Variants in GHR observed in about 807,000 individuals in gnomAD.
The protein encoded by GHR is growth hormone receptor.
A neutral mutation model predicts 67.1 loss-of-function variants in GHR; 35 were observed. The observed-to-expected ratio is 0.52, with a 90% CI of 0.40 to 0.69. The LOEUF (loss-of-function observed/expected upper bound fraction) is 0.69. Among genes scored for constraint, GHR ranks in the 30% least tolerant of loss-of-function variants. The probability of loss-of-function intolerance (pLI) is 0.00; values close to 1 mark genes in which losing one functional copy is unlikely to be tolerated. For missense variants in GHR, 792 were observed against 764.6 expected (o/e 1.04, Z -0.42); for synonymous variants, 272 against 269.1 (o/e 1.01, Z -0.10).
chr5:42,546,630 A>G (rs1748743475), intron 1 of GHR, among the ~76,000 whole-genome samples: 1 of 152,186 alleles, frequency 6.6e-6, no homozygotes, highest in Non-Finnish European at 1.5e-5. Flanking sequence ...CAAGTCATGG[A>G]TTGTGGTATT....
At chr5:42,710,402 A>C (rs7444761) in intron 6 of GHR, among the ~76,000 whole-genome samples, 114,890 of 151,784 alleles carry the variant, frequency 0.76, 43,861 homozygotes, top group East Asian at 1. Flanking sequence ...ACATTGAATA[A>C]CTGCTTTGAG....
At chr5:42,473,410 T>C (rs541846686) in intron 1 of GHR, among the ~76,000 whole-genome samples, 91 of 152,170 alleles carry the variant, frequency 6.0e-4, no homozygotes, top group African/African-American at 2.1e-3. Context: ...TCTCTATAGA[T>C]AGAAATAATT....
intron 2 of GHR, among the ~76,000 whole-genome samples, chr5:42,604,246 C>G (rs976616637): frequency 6.6e-6 from 1 of 152,122 alleles, no homozygotes; most frequent in Admixed American, 6.5e-5. Context: ...ACTCTTTGGC[C>G]ATTTATGGAG....
intron 8 of GHR, among the ~76,000 whole-genome samples, chr5:42,714,417 A>T (rs1758620615): frequency 6.6e-6 from 1 of 152,214 alleles, no homozygotes; most frequent in African/African-American, 2.4e-5. Flanking sequence ...GCCAAGAGGC[A>T]TCTATAAATC....
chr5:42,553,585 C>T (rs761483856), intron 1 of GHR, among the ~76,000 whole-genome samples: 9 of 152,196 alleles, frequency 5.9e-5, no homozygotes, highest in African/African-American at 1.9e-4. Context: ...GTGATTACAT[C>T]GGTTTGTGCA....
At chr5:42,476,703 G>A (rs962337226) in intron 1 of GHR, among the ~76,000 whole-genome samples, 2 of 152,010 alleles carry the variant, frequency 1.3e-5, no homozygotes, top group Admixed American at 6.6e-5. Flanking sequence ...AGAAATACTG[G>A]CCAACAGAAA....
intron 1 of GHR, among the ~76,000 whole-genome samples, chr5:42,454,856 A>G (rs978237970): frequency 2.0e-5 from 3 of 152,150 alleles, no homozygotes; most frequent in East Asian, 1.9e-4. Flanking sequence ...TCCTGTGCTC[A>G]TATCTGCTGC....
intron 2 of GHR, among the ~76,000 whole-genome samples, chr5:42,609,460 A>T (rs527696238): frequency 6.6e-6 from 1 of 152,194 alleles, no homozygotes; most frequent in Non-Finnish European, 1.5e-5. Flanking sequence ...AGATGGTGGC[A>T]TATAGCTTTT....
At chr5:42,587,157 G>A (rs1225765440) in intron 2 of GHR, among the ~76,000 whole-genome samples, 2 of 138,402 alleles carry the variant, frequency 1.4e-5, no homozygotes, top group East Asian at 3.9e-4. Context: ...AAAAACATGT[G>A]TCTACAGTCA....
At chr5:42,610,284 A>C (rs1752829679) in intron 2 of GHR, among the ~76,000 whole-genome samples, 2 of 152,146 alleles carry the variant, frequency 1.3e-5, no homozygotes, top group South Asian at 4.1e-4. Context: ...ATCTGATGTG[A>C]ACCCCTCTAA....
rs1436326908 is a variant in GHR, at chr5:42,615,733, AC to A, written c.71-13304del. Among the ~76,000 whole-genome samples, 1,037 of 130,632 alleles carry A rather than the reference AC, an allele frequency of 7.9e-3. 13 individuals are homozygous for A. Among genetic ancestry groups the A allele is most frequent in the African/African-American group, 0.035 (999 of 28,262 alleles). 85.7% of individuals were successfully genotyped at this position (130,632 alleles called of 152,430 possible). A position where few individuals can be genotyped will look rare whatever the true frequency, so the allele number is the denominator to read the frequency against. On this transcript the variant is annotated intron_variant, in intron 2 of 9. Transcript: ENST00000230882. Reference sequence around the variant, plus strand: ...CATAGCAGTAGAAATTTGGAAAAAAACAAAAAACAAAAAAAAAAAAACATAG... The same window carrying A: ...CATAGCAGTAGAAATTTGGAAAAAAAAAAAAACAAAAAAAAAAAAACATAG...
chr5:42,485,221 T>G (rs1472989737), intron 1 of GHR, among the ~76,000 whole-genome samples: 1 of 152,246 alleles, frequency 6.6e-6, no homozygotes, highest in Non-Finnish European at 1.5e-5. Context: ...TCCCTAAGTT[T>G]GCTTTGCCCT....
At chr5:42,513,643 G>A (rs907375269) in intron 1 of GHR, among the ~76,000 whole-genome samples, 2 of 152,074 alleles carry the variant, frequency 1.3e-5, no homozygotes, top group Non-Finnish European at 2.9e-5. Context: ...TTAGCCAGGC[G>A]TGGTGGTGCA....
chr5:42,606,600 G>A (rs1752640920), intron 2 of GHR, among the ~76,000 whole-genome samples: 1 of 152,158 alleles, frequency 6.6e-6, no homozygotes, highest in South Asian at 2.1e-4. Flanking sequence ...AGGGCACCAA[G>A]CCATAAATGA....
rs1369700834 is a variant in GHR, at chr5:42,427,962, GCTAA to G, written c.-12+4010_-12+4013del. Among the ~76,000 whole-genome samples, 4 of 152,332 alleles carry G rather than the reference GCTAA, an allele frequency of 2.6e-5. No individual in the cohort carries two copies. In the South Asian group the frequency reaches 8.3e-4, roughly 32 times the overall value. On this transcript the variant is annotated intron_variant, in intron 1 of 9. Coordinates refer to ENST00000230882, the MANE Select transcript of GHR (RefSeq NM_000163.5). ...ACTGTGGCTTTTCCAGGCACATGGT[GCTAA>G]CTGTCAGCCCCTACCATTGGGGGTG...
chr5:42,446,514 C>G (rs1218582765), intron 1 of GHR, among the ~76,000 whole-genome samples: 1 of 152,180 alleles, frequency 6.6e-6, no homozygotes, highest in Non-Finnish European at 1.5e-5. Flanking sequence ...TGGGGACCTG[C>G]AGGTAGCTGC....
chr5:42,546,190 C>A (rs546172937), intron 1 of GHR, among the ~76,000 whole-genome samples: 1 of 152,116 alleles, frequency 6.6e-6, no homozygotes, highest in Non-Finnish European at 1.5e-5. Flanking sequence ...ATTACTCTTT[C>A]GATTGAGCCT....
At chr5:42,715,799 G>A (rs1247906176) in intron 8 of GHR, among the ~76,000 whole-genome samples, 1 of 152,202 alleles carries the variant, frequency 6.6e-6, no homozygotes, top group Non-Finnish European at 1.5e-5. Context: ...AATGAAAGAT[G>A]TAGTGAAACT....
At chr5:42,694,733 G>A (rs910055611) in intron 4 of GHR, among the ~76,000 whole-genome samples, 184 bp from the exon 5 acceptor site, 1 of 152,174 alleles carries the variant, frequency 6.6e-6, no homozygotes, top group Non-Finnish European at 1.5e-5. Context: ...CCTCGTAGCA[G>A]TCGTCAGACA....
Sources: gnomAD v4.1 joint callset for allele counts (sites outside exome capture counted in the v4.1 genomes callset) on GRCh38, gnomAD v4.1.1 for gene constraint, MANE v1.5 for transcripts, NCBI Gene and HGNC (gene_info 2026-07-23, HGNC 2026-07-21) for gene names.